Variants in EFR3A observed in about 807,000 individuals in gnomAD.
The protein encoded by EFR3A is protein EFR3 homolog A.
Under a neutral mutation model 104.4 loss-of-function variants are expected in EFR3A, and 76 were observed. The ratio of observed to expected loss-of-function variants is 0.73; its 90% CI spans 0.60 to 0.88. The LOEUF (loss-of-function observed/expected upper bound fraction) is 0.88, where lower values mean the gene tolerates loss of function less well. EFR3A is among the 40% of genes least tolerant of loss of function. The probability of loss-of-function intolerance (pLI) is 0.00; values close to 1 mark genes in which losing one functional copy is unlikely to be tolerated. For synonymous variants in EFR3A, 330 were observed against 330.0 expected (o/e 1.00, Z 0.00); for missense variants, 985 against 1,012.5 (o/e 0.97, Z 0.37).
At chr8:131,971,362 T>C (rs1189803067) in intron 10 of EFR3A, among the ~76,000 whole-genome samples, 8 of 152,174 alleles carry the variant, frequency 5.3e-5, no homozygotes, top group Non-Finnish European at 1.2e-4. Flanking sequence ...TTTTTAAAAA[T>C]AGAAAGTTCT....
chr8:131,974,179 G>A (rs1294494654), intron 10 of EFR3A, among the ~76,000 whole-genome samples: 1 of 152,082 alleles, frequency 6.6e-6, no homozygotes, highest in Admixed American at 6.5e-5. Flanking sequence ...TGTAACCTAT[G>A]CATCAGCATG....
Position 131,950,100 on chromosome 8 carries a change from A to AT in EFR3A, c.488+14dup. 6.3e-7 allele frequency: 1 copy of AT among 1,593,006 alleles called. No individual in the cohort carries two copies. The highest frequency in any genetic ancestry group is 8.6e-7 in the Non-Finnish European group (1 of 1,168,202). ...CAGAAATACGAACAGAGTATGTATT[A>AT]TTTTACTTTATGATCTATAGTAAGT... is the stretch of plus-strand genomic sequence containing the variant. On this transcript the variant is annotated intron_variant, in intron 5 of 22. Coordinates refer to ENST00000254624, the MANE Select transcript of EFR3A (RefSeq NM_015137.6).
intron 1 of EFR3A, among the ~76,000 whole-genome samples, chr8:131,911,547 A>G (rs1487323698): frequency 6.6e-6 from 1 of 152,230 alleles, no homozygotes; most frequent in Non-Finnish European, 1.5e-5. Context: ...GGCCAAGGGT[A>G]AAGTTCCCCT....
At chr8:131,970,188 A>C (rs1450059413) in intron 9 of EFR3A, among the ~76,000 whole-genome samples, 1 of 152,216 alleles carries the variant, frequency 6.6e-6, no homozygotes, top group Non-Finnish European at 1.5e-5. Flanking sequence ...ATAGTTAGAA[A>C]GTTTTTGGTA....
intron 8 of EFR3A, among the ~76,000 whole-genome samples, chr8:131,963,306 A>G (rs1354680616): frequency 6.6e-6 from 1 of 152,292 alleles, no homozygotes; most frequent in Admixed American, 6.5e-5. Flanking sequence ...AAGATCAACA[A>G]AATTGATAGA....
chr8:131,961,751 T>G (rs1198841858), intron 8 of EFR3A, among the ~76,000 whole-genome samples: 1 of 151,984 alleles, frequency 6.6e-6, no homozygotes, highest in Non-Finnish European at 1.5e-5. Flanking sequence ...CCAAGACACA[T>G]AATTGTCAGA....
chr8:131,965,980 A>G (rs569770408), intron 8 of EFR3A, among the ~76,000 whole-genome samples: 13 of 152,206 alleles, frequency 8.5e-5, no homozygotes, highest in African/African-American at 2.6e-4. Context: ...CAAACACCGC[A>G]TGTTCTCACT....
rs546317071 is a variant in EFR3A at position 131,917,104 on chromosome 8, C to T, written c.10+12782C>T. On this transcript the variant is annotated intron_variant, in intron 1 of 22. Coordinates refer to ENST00000254624, the MANE Select transcript of EFR3A (RefSeq NM_015137.6). The stretch of plus-strand genomic sequence containing the variant: ...CTGTTAGTAATTTATCAACCCATTG[C>T]CATCTTGAGAATCATAATGTGTATT... Among the ~76,000 whole-genome samples the T allele has an allele frequency of 3.3e-5, 5 of 152,316 alleles. No individual in the cohort carries two copies. The South Asian group carries it at 1.0e-3, about 32-fold the overall frequency.
intron 8 of EFR3A, among the ~76,000 whole-genome samples, chr8:131,961,954 A>C (rs1819369286): frequency 6.6e-6 from 1 of 152,194 alleles, no homozygotes; most frequent in African/African-American, 2.4e-5. Context: ...ATATCCAGCC[A>C]AACTAAGCTT....
Position 131,970,590 on chromosome 8 carries a change from GT to G in EFR3A, c.1108del (p.Ser370ProfsTer17). The G allele has an allele frequency of 1.9e-6, 3 of 1,613,798 alleles. No homozygotes were observed. The highest frequency in any genetic ancestry group is 2.5e-6 in the Non-Finnish European group (3 of 1,179,782). On this transcript the variant is annotated frameshift_variant, in exon 10 of 23. Transcript: ENST00000254624. LOFTEE classifies it high-confidence loss of function. ...GTAGGCAGTGTCAACTTAAATACAA[GT>G]TCCAAAGACAATGATGAGAAGATTG... Reference protein sequence around the residue: ...GSVGSVNLNTSSKDNDEKIVQ... With the variant: ...GSVGSVNLNTXSKDNDEKIVQ...
At chr8:131,949,641 C>T (rs1018279623) in intron 4 of EFR3A, among the ~76,000 whole-genome samples, 1 of 151,404 alleles carries the variant, frequency 6.6e-6, no homozygotes, top group African/African-American at 2.4e-5. Context: ...CCCATTGTTA[C>T]AAAAATAAAA....
intron 1 of EFR3A, among the ~76,000 whole-genome samples, chr8:131,917,463 G>A (rs1206922147): frequency 6.6e-6 from 1 of 152,212 alleles, no homozygotes; most frequent in Non-Finnish European, 1.5e-5. Context: ...AATTTTAAAA[G>A]TATTTTGTAC....
At chr8:131,979,321 A>C in intron 13 of EFR3A, 25 bp from the exon 14 acceptor site, 1 of 1,477,876 alleles carries the variant, frequency 6.8e-7, no homozygotes, top group Non-Finnish European at 9.2e-7. Context: ...CTATTCATTA[A>C]AAATGATATA....
At chr8:131,911,203 G>A (rs979675736) in intron 1 of EFR3A, among the ~76,000 whole-genome samples, 4 of 152,114 alleles carry the variant, frequency 2.6e-5, no homozygotes, top group African/African-American at 9.7e-5. Context: ...CTGAGGTTGT[G>A]GAAGAATATC....
chr8:131,910,978 T>C (rs1816486378), intron 1 of EFR3A, among the ~76,000 whole-genome samples: 1 of 152,164 alleles, frequency 6.6e-6, no homozygotes, highest in Non-Finnish European at 1.5e-5. Context: ...GACCGGAAGA[T>C]AGGACATGAG....
chr8:131,984,307 T>C lies in EFR3A; in HGVS notation c.1737+7T>C. The C allele has an allele frequency of 1.3e-6, 2 of 1,558,104 alleles. No homozygotes were observed. The highest frequency in any genetic ancestry group is 1.7e-6 in the Non-Finnish European group (2 of 1,154,654). The stretch of plus-strand genomic sequence containing the variant: ...ACTGGCCATTGCTTTACAGGTATGC[T>C]TTCATAACCGTTCACTGCAGAAAAC... On this transcript the variant is annotated splice_region_variant and intron_variant, in intron 15 of 22. Transcript: ENST00000254624.
intron 10 of EFR3A, among the ~76,000 whole-genome samples, chr8:131,974,805 T>C (rs1476483169): frequency 6.6e-6 from 1 of 152,210 alleles, no homozygotes; most frequent in African/African-American, 2.4e-5. Flanking sequence ...CTTTTACCCC[T>C]AAGTCCAATC....
intron 18 of EFR3A, among the ~76,000 whole-genome samples, chr8:131,996,161 C>T (rs1307281255): frequency 6.6e-6 from 1 of 151,862 alleles, no homozygotes; most frequent in African/African-American, 2.4e-5. Flanking sequence ...TCCTAAATGC[C>T]CCTTTTTGAA....
Position 131,904,376 on chromosome 8 carries a change from C to G in EFR3A, c.10+54C>G, listed in dbSNP as rs556906434. On this transcript the variant is annotated intron_variant, in intron 1 of 22. Coordinates refer to ENST00000254624, the MANE Select transcript of EFR3A (RefSeq NM_015137.6). ...TTGGGAGGCGACTGCCTGCGCGACG[C>G]GCTTGGGCCGGGTACTCCTCCCGGG... 28 of 1,239,154 alleles carry G rather than the reference C, an allele frequency of 2.3e-5. 1 individual carries two copies. The Middle Eastern group carries it at 8.3e-4, about 37-fold the overall frequency. The allele number at this position is 1,239,154 out of a possible 1,614,324, so 76.8% of individuals were successfully genotyped here. A position where few individuals can be genotyped will look rare whatever the true frequency, so the allele number is the denominator to read the frequency against.
Sources: gnomAD v4.1 joint callset for allele counts (sites outside exome capture counted in the v4.1 genomes callset) on GRCh38, gnomAD v4.1.1 for gene constraint, MANE v1.5 for transcripts, NCBI Gene and HGNC (gene_info 2026-07-23, HGNC 2026-07-21) for gene names.